The following ZNF609 variants were observed in gnomAD, a reference collection of about 807,000 sequenced individuals.
ZNF609 encodes zinc finger protein 609.
In ZNF609, 11 loss-of-function variants were observed where a neutral mutation model predicts 109.5. That is an observed-to-expected ratio of 0.10 (90% CI 0.06 to 0.17). ZNF609 has a LOEUF of 0.17. ZNF609 is among the 10% of genes least tolerant of loss of function. The pLI is 1.00. For missense variants in ZNF609, 1,559 were observed against 1,772.4 expected (o/e 0.88, Z 2.16); for synonymous variants, 646 against 662.0 (o/e 0.98, Z 0.37).
chr15:64,472,293 A>G (rs1198295641), intron 1 of ZNF609, among the ~76,000 whole-genome samples: 3 of 152,260 alleles, frequency 2.0e-5, no homozygotes, highest in Non-Finnish European at 2.9e-5. Flanking sequence ...CAAAGTGGGT[A>G]CCACGAAACC....
chr15:64,612,849 T>C (rs912891481), intron 2 of ZNF609, among the ~76,000 whole-genome samples: 2 of 151,854 alleles, frequency 1.3e-5, no homozygotes, highest in Non-Finnish European at 2.9e-5. Flanking sequence ...ACTCTGTCTC[T>C]ACTAAAAATA....
intron 3 of ZNF609, among the ~76,000 whole-genome samples, chr15:64,647,295 C>T (rs1000439554): frequency 2.6e-5 from 4 of 151,516 alleles, no homozygotes; most frequent in South Asian, 2.1e-4. Context: ...TATTAAGGGC[C>T]GTGGGGAGCA....
chr15:64,628,859 A>C (rs1896018103), intron 3 of ZNF609, among the ~76,000 whole-genome samples: 1 of 152,070 alleles, frequency 6.6e-6, no homozygotes, highest in South Asian at 2.1e-4. Context: ...TCCTGACCTC[A>C]GGTGATCCCC....
chr15:64,606,437 G>A (rs1351509619), intron 2 of ZNF609, among the ~76,000 whole-genome samples: 1 of 150,954 alleles, frequency 6.6e-6, no homozygotes, highest in African/African-American at 2.4e-5. Context: ...GCAGGCGCCT[G>A]TAATCCCAGC....
chr15:64,573,429 A>T (rs963289015), intron 2 of ZNF609, among the ~76,000 whole-genome samples: 1 of 125,602 alleles, frequency 8.0e-6, no homozygotes, highest in Non-Finnish European at 1.6e-5. Flanking sequence ...ATCTTGGCTC[A>T]CTGCAAGCTC....
intron 2 of ZNF609, among the ~76,000 whole-genome samples, chr15:64,563,011 G>A (rs1023858549): frequency 1.3e-5 from 2 of 152,014 alleles, no homozygotes; most frequent in Admixed American, 1.3e-4. Flanking sequence ...AGGCTTGGTG[G>A]TGCACACCTG....
intron 2 of ZNF609, among the ~76,000 whole-genome samples, chr15:64,520,604 T>A (rs1480311567): frequency 6.6e-6 from 1 of 152,154 alleles, no homozygotes; most frequent in African/African-American, 2.4e-5. Context: ...TTTATTCTCG[T>A]TTTCTTAAAT....
chr15:64,617,163 G>A (rs1023080670), intron 2 of ZNF609, among the ~76,000 whole-genome samples: 3 of 151,828 alleles, frequency 2.0e-5, no homozygotes, highest in African/African-American at 7.3e-5. Context: ...GGGCAACGTA[G>A]GGAGACTTTG....
intron 2 of ZNF609, among the ~76,000 whole-genome samples, chr15:64,546,543 G>T (rs1157284584): frequency 4.0e-5 from 6 of 149,922 alleles, no homozygotes; most frequent in African/African-American, 1.5e-4. Context: ...TGCGATCAGG[G>T]CTCACCACAG....
At chr15:64,584,863 G>A (rs1403478702) in intron 2 of ZNF609, among the ~76,000 whole-genome samples, 8 of 146,490 alleles carry the variant, frequency 5.5e-5, no homozygotes, top group Non-Finnish European at 1.1e-4. Flanking sequence ...TCTTGACCTC[G>A]TGATCCACCC....
upstream of ZNF609, among the ~76,000 whole-genome samples, chr15:64,460,326 G>A (rs1426344960): frequency 6.6e-6 from 1 of 152,178 alleles, no homozygotes; most frequent in Admixed American, 6.5e-5. Context: ...ACAGCGTTAG[G>A]TTCGAGCTCT....
intron 2 of ZNF609, among the ~76,000 whole-genome samples, chr15:64,557,600 T>A (rs890913871): frequency 2.0e-5 from 3 of 152,184 alleles, no homozygotes; most frequent in Non-Finnish European, 4.4e-5. Flanking sequence ...TTATAATCAG[T>A]GAAGAGCTAT....
At chr15:64,580,707 A>C (rs1895086805) in intron 2 of ZNF609, among the ~76,000 whole-genome samples, 1 of 151,594 alleles carries the variant, frequency 6.6e-6, no homozygotes. Flanking sequence ...ATGCCTAGCT[A>C]ATTTTTGTAG....
chr15:64,541,227 A>G (rs1379616900), intron 2 of ZNF609, among the ~76,000 whole-genome samples: 1 of 151,178 alleles, frequency 6.6e-6, no homozygotes, highest in Non-Finnish European at 1.5e-5. Flanking sequence ...GGAGATCGAG[A>G]CCATCCTGGC....
chr15:64,586,326 C>CA (rs1206630683), intron 2 of ZNF609, among the ~76,000 whole-genome samples: 8,363 of 92,698 alleles, frequency 0.09, 720 homozygotes, highest in African/African-American at 0.26. Flanking sequence ...AACTCGGTCT[C>CA]AAAAAAAAAA....
At chr15:64,638,802 G>C (rs2140988846) in intron 3 of ZNF609, among the ~76,000 whole-genome samples, 1 of 152,282 alleles carries the variant, frequency 6.6e-6, no homozygotes, top group Admixed American at 6.5e-5. Flanking sequence ...GGCTGAGGTG[G>C]GAGGATCACC....
chr15:64,590,010 G>A (rs1432867940), intron 2 of ZNF609, among the ~76,000 whole-genome samples: 2 of 152,152 alleles, frequency 1.3e-5, no homozygotes, highest in Non-Finnish European at 1.5e-5. Flanking sequence ...CATTATTCAA[G>A]TTTGCTAGAA....
intron 3 of ZNF609, among the ~76,000 whole-genome samples, chr15:64,628,311 A>T (rs1025954362): frequency 2.0e-5 from 3 of 151,700 alleles, no homozygotes; most frequent in Non-Finnish European, 2.9e-5. Flanking sequence ...AAAAAAAGAA[A>T]AGAAACATGT....
intron 2 of ZNF609, chr15:64,501,544 C>T (rs1228604365): frequency 6.6e-6 from 1 of 152,244 alleles, no homozygotes; most frequent in East Asian, 1.9e-4. Context: ...TAGCTTGGCT[C>T]ATCCTGTGCT....
Sources: allele counts gnomAD v4.1 joint callset (sites outside exome capture counted in the v4.1 genomes callset), GRCh38; gene constraint gnomAD v4.1.1; transcripts MANE v1.5; gene names NCBI Gene and HGNC (gene_info 2026-07-23, HGNC 2026-07-21).